UGT1A4: variants seen among roughly 807,000 people sequenced by gnomAD.
UGT1A4 encodes UDP-glucuronosyltransferase 1A4.
A neutral mutation model predicts 41.1 loss-of-function variants in UGT1A4; 32 were observed. That is an observed-to-expected ratio of 0.78 (90% CI 0.59 to 1.05). The LOEUF is 1.05. Ranked by LOEUF, UGT1A4 falls within the 50% of genes least tolerant of loss-of-function variation. The pLI, the probability that UGT1A4 is intolerant of heterozygous loss-of-function variation, is 0.00. For synonymous variants in UGT1A4, 283 were observed against 265.1 expected (o/e 1.07, Z -0.66); for missense variants, 748 against 677.4 (o/e 1.10, Z -1.16).
At chr2:233,747,637 A>G in intron 1 of UGT1A4, 1 of 1,582,234 alleles carries the variant, frequency 6.3e-7, no homozygotes, top group Non-Finnish European at 8.7e-7. Flanking sequence ...AGGCACCTGA[A>G]TGCTACTTCC....
intron 1 of UGT1A4, chr2:233,743,004 A>G (rs1469348172): frequency 4.2e-6 from 1 of 237,384 alleles, no homozygotes; most frequent in Admixed American, 5.1e-5. Context: ...GCATACAGAT[A>G]TTTTACAACG....
chr2:233,759,141 G>A (rs766249806), intron 1 of UGT1A4, among the ~76,000 whole-genome samples: 1 of 152,222 alleles, frequency 6.6e-6, no homozygotes, highest in Non-Finnish European at 1.5e-5. Context: ...CGCAATGAAG[G>A]TGAGTTCCAC....
intron 1 of UGT1A4, chr2:233,729,685 T>C (rs1293517562): frequency 6.2e-7 from 1 of 1,613,978 alleles, no homozygotes; most frequent in Admixed American, 1.7e-5. Context: ...GGGCACACAG[T>C]GTCCAAACCC....
intron 1 of UGT1A4, among the ~76,000 whole-genome samples, chr2:233,723,730 C>G (rs1044734705): frequency 1.3e-5 from 1 of 79,384 alleles, no homozygotes; most frequent in Non-Finnish European, 2.2e-5. Flanking sequence ...TTGGTGATGA[C>G]TCTTAACGAG....
At chr2:233,737,569 A>C (rs1156653495) in intron 1 of UGT1A4, among the ~76,000 whole-genome samples, 3 of 152,164 alleles carry the variant, frequency 2.0e-5, no homozygotes, top group African/African-American at 7.2e-5. Context: ...TGCACCCACT[A>C]TCCAACCAGT....
intron 1 of UGT1A4, among the ~76,000 whole-genome samples, chr2:233,757,427 A>G (rs934083320): frequency 5.3e-5 from 8 of 151,486 alleles, no homozygotes; most frequent in South Asian, 2.1e-4. Context: ...AAAGAGAAGA[A>G]AAGTCACTTC....
chr2:233,729,976 A>T (rs201645683), intron 1 of UGT1A4: 1 of 1,614,046 alleles, frequency 6.2e-7, no homozygotes, highest in South Asian at 1.1e-5. Context: ...CTGTGCCAAC[A>T]GGAAGCCACT....
chr2:233,762,954 A>G (rs1248639717), intron 1 of UGT1A4, among the ~76,000 whole-genome samples: 1 of 152,252 alleles, frequency 6.6e-6, no homozygotes, highest in Admixed American at 6.5e-5. Context: ...TTCTGGCAAT[A>G]GGAAAGATGC....
chr2:233,757,057 G>C (rs1201778154), intron 1 of UGT1A4, among the ~76,000 whole-genome samples: 1 of 151,606 alleles, frequency 6.6e-6, no homozygotes, highest in African/African-American at 2.4e-5. Context: ...TTGGGGAACA[G>C]CAAGGGATCC....
intron 1 of UGT1A4, chr2:233,754,294 G>C (rs556479810): frequency 4.3e-4 from 102 of 236,002 alleles, no homozygotes; most frequent in African/African-American, 2.0e-3. Flanking sequence ...TTCTGTCCTA[G>C]CACTAGGAAA....
In UGT1A4 at chr2:233,754,506, C is replaced by T. The variant is rs1695499420; in HGVS notation, c.868-12528C>T. 9 of 356,440 alleles carry T rather than the reference C, an allele frequency of 2.5e-5. 1 individual carries two copies. Among genetic ancestry groups the T allele is most frequent in the Middle Eastern group, 3.8e-4 (1 of 2,606 alleles). The allele number at this position is 356,440 out of a possible 1,614,324, so 22.1% of individuals were successfully genotyped here. ...TCAATCCTAAAAAAAGTCCGCTATT[C>T]CTCCAGATGTGCTTAAAGGCAAATG... On this transcript the variant is annotated intron_variant, in intron 1 of 4. Transcript: ENST00000373409.
intron 1 of UGT1A4, among the ~76,000 whole-genome samples, chr2:233,759,599 A>C (rs759174): frequency 0.51 from 55,428 of 108,528 alleles, 10,119 homozygotes; most frequent in African/African-American, 0.62. Flanking sequence ...CCCACCCCCG[A>C]CCCGCCCCAC....
chr2:233,719,039 A>C lies in UGT1A4; in HGVS notation c.219A>C (p.Lys73Asn), dbSNP rs201935850. The C allele has an allele frequency of 2.4e-4, 385 of 1,614,106 alleles. No homozygotes were observed. Among genetic ancestry groups the C allele is most frequent in the Admixed American group, 1.3e-3 (80 of 60,026 alleles). ...PEVNMHIKEE[K>N]FFTLTAYAVP... ...TGAATATGCACATCAAAGAAGAGAAATTTTTCACCCTGACAGCCTATGCTG... is the reference window on the plus strand; with the variant it reads ...TGAATATGCACATCAAAGAAGAGAACTTTTTCACCCTGACAGCCTATGCTG... The change falls in exon 1 of 5, where the codon AAA becomes AAC. Residue 73 changes from lysine to asparagine, a missense_variant. Coordinates refer to ENST00000373409, the MANE Select transcript of UGT1A4 (RefSeq NM_007120.3).
intron 1 of UGT1A4, among the ~76,000 whole-genome samples, chr2:233,761,487 C>T (rs1012485766): frequency 1.3e-5 from 2 of 152,232 alleles, no homozygotes; most frequent in East Asian, 1.9e-4. Flanking sequence ...GAAGCCTGCA[C>T]CTTGCCCTGG....
chr2:233,730,050 A>G (rs763653483), intron 1 of UGT1A4: 3 of 1,612,234 alleles, frequency 1.9e-6, no homozygotes, highest in Non-Finnish European at 1.7e-6. Context: ...TTTTAAAAAA[A>G]TGTATTTATT....
chr2:233,761,079 C>T, intron 1 of UGT1A4: 1 of 1,614,120 alleles, frequency 6.2e-7, no homozygotes, highest in Non-Finnish European at 8.5e-7. Flanking sequence ...TGAAGGATTA[C>T]CCTAGGCCCA....
intron 1 of UGT1A4, among the ~76,000 whole-genome samples, chr2:233,731,168 T>A (rs1313291260): frequency 6.6e-6 from 1 of 152,138 alleles, no homozygotes; most frequent in Non-Finnish European, 1.5e-5. Flanking sequence ...AACGACATGA[T>A]TTTTTTATGC....
Position 233,718,762 on chromosome 2 carries a change from A to T in UGT1A4, c.-59A>T. ...ATGACAAGGTAATTAAGGCGAAGGA[A>T]ACAAATGTAGCAGGCACAGCGTGGG... On this transcript the variant is annotated 5_prime_UTR_variant, in exon 1 of 5. Coordinates refer to ENST00000373409, the MANE Select transcript of UGT1A4 (RefSeq NM_007120.3). 6.2e-7 allele frequency: 1 copy of T among 1,612,640 alleles called. No individual in the cohort carries two copies. The highest frequency in any genetic ancestry group is 1.3e-5 in the African/African-American group (1 of 75,004).
chr2:233,724,777 C>T (rs924774520), intron 1 of UGT1A4, among the ~76,000 whole-genome samples: 6 of 142,286 alleles, frequency 4.2e-5, no homozygotes, highest in African/African-American at 8.1e-5. Flanking sequence ...CAGAGACACT[C>T]CTCACTTCCC....
Sources: gnomAD v4.1 joint callset for allele counts (sites outside exome capture counted in the v4.1 genomes callset) on GRCh38, gnomAD v4.1.1 for gene constraint, MANE v1.5 for transcripts, NCBI Gene and HGNC (gene_info 2026-07-23, HGNC 2026-07-21) for gene names.